The following EFCAB13 variants were observed in gnomAD, a reference collection of about 807,000 sequenced individuals.
EFCAB13 encodes EF-hand calcium binding domain 13, also known as EF-hand calcium-binding domain-containing protein 13.
In EFCAB13, 91 loss-of-function variants were observed where a neutral mutation model predicts 110.2. The observed-to-expected ratio is 0.83, with a 90% CI of 0.70 to 0.98. The LOEUF is 0.98. EFCAB13 is among the 50% of genes least tolerant of loss of function. The pLI, the probability that EFCAB13 is intolerant of heterozygous loss-of-function variation, is 0.00. For synonymous variants in EFCAB13, 323 were observed against 369.9 expected (o/e 0.87, Z 1.45); for missense variants, 968 against 1,119.4 (o/e 0.86, Z 1.93).
At chr17:47,386,554 T>A (rs2065677211) in intron 14 of EFCAB13, among the ~76,000 whole-genome samples, 1 of 152,138 alleles carries the variant, frequency 6.6e-6, no homozygotes, top group African/African-American at 2.4e-5. Context: ...ACCCAGTGGT[T>A]CTTAGCTTGC....
At chr17:47,334,744 C>T (rs2065339265) in intron 4 of EFCAB13, among the ~76,000 whole-genome samples, 1 of 152,028 alleles carries the variant, frequency 6.6e-6, no homozygotes. Context: ...AGGGAGACCT[C>T]GTCTCTACGA....
intron 10 of EFCAB13, among the ~76,000 whole-genome samples, chr17:47,362,790 G>C (rs972781956): frequency 6.6e-6 from 1 of 152,160 alleles, no homozygotes; most frequent in East Asian, 1.9e-4. Context: ...TGGCTGCCAG[G>C]CAGGGAAGGG....
rs747017792 is a variant in EFCAB13 at position 47,351,298 on chromosome 17, TGTGTGTGCGCGCGCGC to T, written c.661+3349_661+3364del. The stretch of plus-strand genomic sequence containing the variant: ...ATTCCACTGTGTGTGTGTGTGTGTG[TGTGTGTGCGCGCGCGC>T]GCGCGCGCGCGCGCCACGTTTTCTT... On this transcript the variant is annotated intron_variant, in intron 9 of 24. Coordinates refer to ENST00000331493, the MANE Select transcript of EFCAB13 (RefSeq NM_152347.5). 2.9e-3 allele frequency among the ~76,000 whole-genome samples: 372 copies of T among 130,438 alleles called. 2 individuals carry two copies. The highest frequency in any genetic ancestry group is 0.016 in the Middle Eastern group (4 of 250). 85.6% of individuals were successfully genotyped at this position (130,438 alleles called of 152,430 possible). A position where few individuals can be genotyped will look rare whatever the true frequency, so the allele number is the denominator to read the frequency against.
intron 9 of EFCAB13, among the ~76,000 whole-genome samples, chr17:47,353,755 T>C (rs1049845691): frequency 7.9e-5 from 12 of 152,330 alleles, no homozygotes; most frequent in East Asian, 1.9e-4. Flanking sequence ...AATATAGATA[T>C]GATGCTTGGC....
chr17:47,437,373 C>T (rs993539969), intron 24 of EFCAB13, among the ~76,000 whole-genome samples: 17 of 152,124 alleles, frequency 1.1e-4, no homozygotes. Context: ...AAGTCCCCCA[C>T]TATTATTGTG....
rs555598659 is a variant in EFCAB13, at chr17:47,398,145, G to A, written c.1945+2168G>A. Among the ~76,000 whole-genome samples, 361 of 146,448 alleles carry A rather than the reference G, an allele frequency of 2.5e-3. 3 individuals carry two copies. The highest frequency in any genetic ancestry group is 4.1e-3 in the Non-Finnish European group (273 of 66,308). On this transcript the variant is annotated intron_variant, in intron 17 of 24. Coordinates refer to ENST00000331493, the MANE Select transcript of EFCAB13 (RefSeq NM_152347.5). ...CAGCCCCCCCCTGGCCAGCCACCCC[G>A]TCTGGGAGGTGAGGGGCGCCTCTGC...
chr17:47,397,685 G>T (rs79172999), intron 17 of EFCAB13, among the ~76,000 whole-genome samples: 2 of 151,074 alleles, frequency 1.3e-5, no homozygotes, highest in African/African-American at 4.9e-5. Flanking sequence ...GATGTGAGGA[G>T]CGCCTCTACC....
At chr17:47,420,192 G>A (rs1315316113) in intron 23 of EFCAB13, among the ~76,000 whole-genome samples, 1 of 152,222 alleles carries the variant, frequency 6.6e-6, no homozygotes, top group African/African-American at 2.4e-5. Flanking sequence ...TGAGTGATCC[G>A]CCAGCCTCGG....
chr17:47,397,511 C>T (rs2065747785), intron 17 of EFCAB13, among the ~76,000 whole-genome samples: 1 of 151,032 alleles, frequency 6.6e-6, no homozygotes, highest in East Asian at 2.0e-4. Context: ...CCTGGCTGCT[C>T]AGTCTGGAAA....
chr17:47,435,381 T>G (rs987607291), intron 24 of EFCAB13, among the ~76,000 whole-genome samples: 1 of 151,992 alleles, frequency 6.6e-6, no homozygotes, highest in Non-Finnish European at 1.5e-5. Context: ...GATGTCGGCA[T>G]GGATGTGGTG....
chr17:47,387,068 G>T (rs1054621871), intron 14 of EFCAB13, among the ~76,000 whole-genome samples: 1 of 152,104 alleles, frequency 6.6e-6, no homozygotes, highest in Admixed American at 6.5e-5. Flanking sequence ...GCTGCAGACC[G>T]GAGCTGTTCC....
chr17:47,343,870 T>C (rs1292194479), intron 6 of EFCAB13, among the ~76,000 whole-genome samples: 1 of 152,116 alleles, frequency 6.6e-6, no homozygotes, highest in Non-Finnish European at 1.5e-5. Flanking sequence ...CTCTATACCA[T>C]AGGTTTTCCC....
At chr17:47,398,043 G>A (rs188189021) in intron 17 of EFCAB13, among the ~76,000 whole-genome samples, 5,652 of 135,336 alleles carry the variant, frequency 0.042, 200 homozygotes, top group Middle Eastern at 0.15. Context: ...CCGGCCAGCC[G>A]CTCCGTCCGG....
intron 20 of EFCAB13, among the ~76,000 whole-genome samples, chr17:47,407,432 G>A (rs1193423981): frequency 6.6e-6 from 1 of 152,072 alleles, no homozygotes; most frequent in Non-Finnish European, 1.5e-5. Context: ...TTATTCGACA[G>A]TGTAGATCTC....
Position 47,328,374 on chromosome 17 carries a change from A to G in EFCAB13, c.21A>G (p.Leu7=), listed in dbSNP as rs1484160783. Residue 7 remains leucine, a synonymous_variant, in exon 4 of 25, where the codon TTA becomes TTG. Coordinates refer to ENST00000331493, the MANE Select transcript of EFCAB13 (RefSeq NM_152347.5). METKVH[L]FCQAEENIDL... ...GAAAGATGGAAACTAAAGTACATTT[A>G]TTCTGCCAGGTATTTATTTAAAACA... The G allele has an allele frequency of 1.9e-6, 3 of 1,594,630 alleles. No individual in the cohort carries two copies. The highest frequency in any genetic ancestry group is 2.6e-6 in the Non-Finnish European group (3 of 1,170,916).
chr17:47,333,135 A>C (rs927589391), intron 4 of EFCAB13, among the ~76,000 whole-genome samples: 5 of 152,158 alleles, frequency 3.3e-5, no homozygotes, highest in Non-Finnish European at 7.4e-5. Flanking sequence ...ATCTAACAGA[A>C]TAGTGTGAGA....
At chr17:47,401,640 CT>C (rs763737651) in intron 17 of EFCAB13, among the ~76,000 whole-genome samples, 4,578 of 84,272 alleles carry the variant, frequency 0.054, 37 homozygotes, top group East Asian at 0.13. Context: ...CTCAGCCTGA[CT>C]TTTTTTTTTT....
chr17:47,434,432 T>A (rs1905174810), intron 24 of EFCAB13, among the ~76,000 whole-genome samples: 2 of 152,234 alleles, frequency 1.3e-5, no homozygotes, highest in South Asian at 4.1e-4. Flanking sequence ...CAAATGGTCA[T>A]GGATGTGTGG....
At position 47,388,832 on chromosome 17, in the gene EFCAB13, G is replaced by C. The variant is rs570401188; in HGVS notation, c.1583-2605G>C. The stretch of plus-strand genomic sequence containing the variant: ...GTTTAACTCTTAAACTGTCAAAACT[G>C]TTTTCCAAAGTGTTTATAACATTTT... On this transcript the variant is annotated intron_variant, in intron 14 of 24. Coordinates refer to ENST00000331493, the MANE Select transcript of EFCAB13 (RefSeq NM_152347.5). Among the ~76,000 whole-genome samples, 15 of 152,024 alleles carry C rather than the reference G, an allele frequency of 9.9e-5. 1 individual carries two copies. In the South Asian group the frequency reaches 3.1e-3, roughly 32 times the overall value.
Sources: allele counts gnomAD v4.1 joint callset (sites outside exome capture counted in the v4.1 genomes callset), GRCh38; gene constraint gnomAD v4.1.1; transcripts MANE v1.5; gene names NCBI Gene and HGNC (gene_info 2026-07-23, HGNC 2026-07-21).